Variants in ADGRB3 observed in about 807,000 individuals in gnomAD.
ADGRB3 encodes brain-specific angiogenesis inhibitor 3.
In ADGRB3, 37 loss-of-function variants were observed where a neutral mutation model predicts 193.4. The ratio of observed to expected loss-of-function variants is 0.19; its 90% CI spans 0.15 to 0.25. ADGRB3 has a LOEUF of 0.25. Among genes scored for constraint, ADGRB3 ranks in the 10% least tolerant of loss-of-function variants. The pLI, the probability that ADGRB3 is intolerant of heterozygous loss-of-function variation, is 1.00. For missense variants in ADGRB3, 1,637 were observed against 1,852.9 expected (o/e 0.88, Z 2.14); for synonymous variants, 690 against 644.2 (o/e 1.07, Z -1.08).
chr6:69,047,976 A>T (rs1448203518), intron 13 of ADGRB3, among the ~76,000 whole-genome samples: 1 of 152,202 alleles, frequency 6.6e-6, no homozygotes, highest in Admixed American at 6.5e-5. Context: ...ACCCACTGAA[A>T]GCAACAAAAA....
chr6:68,988,575 T>C (rs537139323), intron 10 of ADGRB3, among the ~76,000 whole-genome samples: 2 of 152,150 alleles, frequency 1.3e-5, no homozygotes, highest in African/African-American at 4.8e-5. Context: ...TATTGACTTA[T>C]AGCTTCTCTC....
chr6:69,254,851 TC>T (rs1415996191), intron 20 of ADGRB3, among the ~76,000 whole-genome samples: 5 of 87,242 alleles, frequency 5.7e-5, no homozygotes, highest in Non-Finnish European at 8.7e-5. Context: ...ATGCTATCCC[TC>T]CCCCCTCCCC....
chr6:68,873,056 A>G (rs952158592), intron 3 of ADGRB3, among the ~76,000 whole-genome samples: 2 of 152,112 alleles, frequency 1.3e-5, no homozygotes, highest in Non-Finnish European at 2.9e-5. Context: ...CACAAACCCA[A>G]AAACCACACA....
In ADGRB3 at chr6:68,866,647, C is replaced by G. The variant is rs917207329; in HGVS notation, c.758-63912C>G. On this transcript the variant is annotated intron_variant, in intron 3 of 31. Transcript: ENST00000370598. ...GTGAAAGTTTGGAATTTCCTAGAGACTTGTTGAATGGTTTTGACCAAAATG... is the reference window on the plus strand; with the variant it reads ...GTGAAAGTTTGGAATTTCCTAGAGAGTTGTTGAATGGTTTTGACCAAAATG... 2.0e-5 allele frequency among the ~76,000 whole-genome samples: 3 copies of G among 152,150 alleles called. No homozygotes were observed. In the South Asian group the frequency reaches 6.2e-4, roughly 32 times the overall value.
intron 3 of ADGRB3, among the ~76,000 whole-genome samples, chr6:68,653,868 G>A (rs547194773): frequency 1.3e-5 from 2 of 150,384 alleles, no homozygotes; most frequent in South Asian, 4.2e-4. Context: ...GTATTCTTTC[G>A]TCTTTTCTCT....
At chr6:69,312,465 GTTGATTGGTACTTT>G (rs1768214992) in intron 20 of ADGRB3, among the ~76,000 whole-genome samples, 1 of 151,680 alleles carries the variant, frequency 6.6e-6, no homozygotes, top group African/African-American at 2.4e-5. Context: ...CAATCTCAGG[GTTGATTGGTACTTT>G]TTTATAGAAG....
At chr6:69,058,119 A>T (rs1371159336) in intron 15 of ADGRB3, among the ~76,000 whole-genome samples, 1 of 151,600 alleles carries the variant, frequency 6.6e-6, no homozygotes, top group Non-Finnish European at 1.5e-5. Flanking sequence ...TTTACTAGTT[A>T]TGGGTCTATT....
At chr6:68,818,914 A>T (rs901832348) in intron 3 of ADGRB3, among the ~76,000 whole-genome samples, 1 of 146,258 alleles carries the variant, frequency 6.8e-6, no homozygotes, top group Non-Finnish European at 1.5e-5. Flanking sequence ...CAGTATTTCT[A>T]TGAAAGATTG....
At chr6:68,872,226 T>A (rs369666696) in intron 3 of ADGRB3, among the ~76,000 whole-genome samples, 1 of 152,152 alleles carries the variant, frequency 6.6e-6, no homozygotes, top group Non-Finnish European at 1.5e-5. Context: ...TAGAAAATGA[T>A]AATTTTTTTG....
intron 15 of ADGRB3, among the ~76,000 whole-genome samples, chr6:69,060,250 C>CTCTCTCTCTCTCT (rs370197043): frequency 7.2e-6 from 1 of 138,406 alleles, no homozygotes; most frequent in Non-Finnish European, 1.6e-5. Flanking sequence ...CTCTCTCTCT[C>CTCTCTCTCTCTCT]CTCCTCTGTC....
intron 8 of ADGRB3, among the ~76,000 whole-genome samples, chr6:68,957,731 T>C (rs1348366841): frequency 6.6e-6 from 1 of 152,180 alleles, no homozygotes; most frequent in Non-Finnish European, 1.5e-5. Flanking sequence ...TCTCACATGA[T>C]TGTTTCAACT....
At chr6:68,651,767 C>T (rs964275913) in intron 3 of ADGRB3, among the ~76,000 whole-genome samples, 8 of 152,182 alleles carry the variant, frequency 5.3e-5, no homozygotes, top group African/African-American at 1.4e-4. Flanking sequence ...AGCCTAAAGC[C>T]GTGCCTAATT....
chr6:69,368,388 A>G (rs1419102131), intron 29 of ADGRB3, among the ~76,000 whole-genome samples: 1 of 152,106 alleles, frequency 6.6e-6, no homozygotes, highest in Non-Finnish European at 1.5e-5. Context: ...AACAAGACGT[A>G]TTTCAGAGAT....
At chr6:69,115,977 G>A (rs1014932229) in intron 17 of ADGRB3, among the ~76,000 whole-genome samples, 2 of 152,208 alleles carry the variant, frequency 1.3e-5, no homozygotes, top group South Asian at 2.1e-4. Flanking sequence ...AATTATGGAG[G>A]CTGGTAAGTC....
intron 3 of ADGRB3, among the ~76,000 whole-genome samples, chr6:68,725,442 G>T (rs895377524): frequency 1.3e-5 from 2 of 151,626 alleles, no homozygotes; most frequent in African/African-American, 4.8e-5. Flanking sequence ...ACATGCCAAA[G>T]ATATGAAATA....
intron 17 of ADGRB3, among the ~76,000 whole-genome samples, chr6:69,209,127 C>T (rs1478945529): frequency 1.3e-5 from 2 of 152,162 alleles, no homozygotes; most frequent in African/African-American, 2.4e-5. Flanking sequence ...TCTGCTGGCT[C>T]GTATGGACCA....
intron 3 of ADGRB3, among the ~76,000 whole-genome samples, chr6:68,811,859 A>G (rs1325236729): frequency 6.6e-6 from 1 of 152,182 alleles, no homozygotes; most frequent in African/African-American, 2.4e-5. Context: ...TGATAGAGAG[A>G]TATAGATAGA....
intron 23 of ADGRB3, chr6:69,332,634 G>A (rs761851745): frequency 2.0e-6 from 2 of 985,292 alleles, no homozygotes; most frequent in Non-Finnish European, 2.4e-6. Flanking sequence ...TGCCAGATTG[G>A]CATAGTATGG....
chr6:68,705,053 C>T (rs1287514212), intron 3 of ADGRB3, among the ~76,000 whole-genome samples: 1 of 152,064 alleles, frequency 6.6e-6, no homozygotes, highest in African/African-American at 2.4e-5. Context: ...TAAAACAAAT[C>T]ACAGATTTTT....
Sources: allele counts gnomAD v4.1 joint callset (sites outside exome capture counted in the v4.1 genomes callset), GRCh38; gene constraint gnomAD v4.1.1; transcripts MANE v1.5; gene names NCBI Gene and HGNC (gene_info 2026-07-23, HGNC 2026-07-21).